Variants in ABCA13 observed in about 807,000 individuals in gnomAD.
ABCA13 encodes ATP-binding cassette sub-family A member 13.
A neutral mutation model predicts 478.7 loss-of-function variants in ABCA13; 476 were observed. The ratio of observed to expected loss-of-function variants is 0.99; its 90% CI spans 0.92 to 1.07. The LOEUF (loss-of-function observed/expected upper bound fraction) is 1.07, where lower values mean the gene tolerates loss of function less well. Among genes scored for constraint, ABCA13 ranks in the 50% least tolerant of loss-of-function variants. The pLI is 0.00. For missense variants in ABCA13, 6,060 were observed against 5,910.6 expected (o/e 1.03, Z -0.83); for synonymous variants, 2,252 against 2,158.9 (o/e 1.04, Z -1.20).
intron 58 of ABCA13, among the ~76,000 whole-genome samples, chr7:48,608,722 G>A (rs1397440727): frequency 6.6e-6 from 1 of 152,228 alleles, no homozygotes; most frequent in East Asian, 1.9e-4. Context: ...AGGGAGAGTG[G>A]GGAGCAGCCT....
chr7:48,272,165 A>G lies in ABCA13; in HGVS notation c.2499A>G (p.Lys833=). The G allele has an allele frequency of 6.2e-7, 1 of 1,613,130 alleles. No homozygotes were observed. Among genetic ancestry groups the G allele is most frequent in the Non-Finnish European group, 8.5e-7 (1 of 1,179,532 alleles). Residue 833 remains lysine (K), a synonymous_variant, in exon 17 of 62, where the codon AAA becomes AAG. Transcript: ENST00000435803. ...IELILFEINP[K]LLELWAYGIS... Reference sequence around the variant, plus strand: ...TAATACTTTTTGAAATTAATCCCAAATTACTAGAATTATGGGCCTATGGCA... The same window carrying G: ...TAATACTTTTTGAAATTAATCCCAAGTTACTAGAATTATGGGCCTATGGCA...
In ABCA13 at chr7:48,234,000, C is replaced by A; in HGVS notation, c.764-18C>A. 1 of 1,612,910 alleles carries A rather than the reference C, an allele frequency of 6.2e-7. No homozygotes were observed. Among genetic ancestry groups the A allele is most frequent in the Non-Finnish European group, 8.5e-7 (1 of 1,179,104 alleles). ...TATTCAAACAACTGCTGGTGTAAATCTTTTGTTATTCCAACAGAGCCAGTT... is the reference window on the plus strand; with the variant it reads ...TATTCAAACAACTGCTGGTGTAAATATTTTGTTATTCCAACAGAGCCAGTT... On this transcript the variant is annotated intron_variant, in intron 7 of 61. Coordinates refer to ENST00000435803, the MANE Select transcript of ABCA13 (RefSeq NM_152701.5).
chr7:48,563,888 G>A (rs1295330730), intron 55 of ABCA13, among the ~76,000 whole-genome samples: 3 of 151,642 alleles, frequency 2.0e-5, no homozygotes, highest in Non-Finnish European at 1.5e-5. Flanking sequence ...TTTCTAGCCT[G>A]TGTTTAGCTT....
intron 26 of ABCA13, 52 bp from the exon 27 acceptor site, chr7:48,317,105 C>T (rs1802705605): frequency 1.3e-6 from 2 of 1,562,982 alleles, no homozygotes. Flanking sequence ...TCCCTATTAA[C>T]CTAGGCATCG....
Position 48,174,291 on chromosome 7 carries a change from G to GT in ABCA13, c.69+2747dup, listed in dbSNP as rs201212748. Reference sequence around the variant, plus strand: ...AAGCTTGTCTGTTTTTACATTTACTGTTTTTTTTAGCTTTTTTTTTAAATT... The same window carrying GT: ...AAGCTTGTCTGTTTTTACATTTACTGTTTTTTTTTAGCTTTTTTTTTAAATT... On this transcript the variant is annotated intron_variant, in intron 1 of 61. Coordinates refer to ENST00000435803, the MANE Select transcript of ABCA13 (RefSeq NM_152701.5). 2.2e-3 allele frequency among the ~76,000 whole-genome samples: 331 copies of GT among 151,532 alleles called. 1 individual carries two copies. The highest frequency in any genetic ancestry group is 4.1e-3 in the Admixed American group (63 of 15,220).
In ABCA13 at chr7:48,524,367, G is replaced by C; in HGVS notation, c.14171G>C (p.Ser4724Thr). ...GACATTCTTGTGTTATACAACCTTAGTAAACATTATCGACGCTTTTTCCAG... is the reference window on the plus strand; with the variant it reads ...GACATTCTTGTGTTATACAACCTTACTAAACATTATCGACGCTTTTTCCAG... Reference protein sequence around the residue: ...NGDILVLYNLSKHYRRFFQNI... With the variant: ...NGDILVLYNLTKHYRRFFQNI... The change falls in exon 54 of 62, where the codon AGT becomes ACT. Residue 4724 changes from serine to threonine, a missense_variant. Physicochemically the swap from Ser to Thr is moderately conservative, Grantham distance 58. Transcript: ENST00000435803. The C allele has an allele frequency of 1.9e-6, 3 of 1,613,230 alleles. No homozygotes were observed. The highest frequency in any genetic ancestry group is 3.3e-5 in the Admixed American group (2 of 59,908).
intron 15 of ABCA13, among the ~76,000 whole-genome samples, chr7:48,260,882 A>G (rs568622553): frequency 5.9e-5 from 9 of 151,862 alleles, no homozygotes; most frequent in African/African-American, 2.2e-4. Flanking sequence ...CCTGGATTCT[A>G]TGTTTTATCT....
chr7:48,228,599 G>C (rs1168694237), intron 6 of ABCA13, among the ~76,000 whole-genome samples: 1 of 152,112 alleles, frequency 6.6e-6, no homozygotes, highest in Non-Finnish European at 1.5e-5. Context: ...GGGAGGAGTG[G>C]ACTGAAGGTT....
intron 55 of ABCA13, among the ~76,000 whole-genome samples, chr7:48,541,071 T>C (rs558883616): frequency 7.9e-5 from 12 of 152,202 alleles, no homozygotes; most frequent in Admixed American, 5.9e-4. Flanking sequence ...GAATAAATAA[T>C]TATTTGACTT....
intron 3 of ABCA13, among the ~76,000 whole-genome samples, chr7:48,205,024 C>T (rs147241714): frequency 1.3e-5 from 2 of 152,378 alleles, no homozygotes; most frequent in African/African-American, 4.8e-5. Flanking sequence ...GGCTGGGTCT[C>T]TGTCCTGGGG....
intron 45 of ABCA13, among the ~76,000 whole-genome samples, chr7:48,476,011 G>T (rs1828053580): frequency 6.6e-6 from 1 of 152,190 alleles, no homozygotes; most frequent in African/African-American, 2.4e-5. Flanking sequence ...TACAGAATAG[G>T]TGGAGGGCAT....
At chr7:48,281,275 A>G (rs764465747) in intron 18 of ABCA13, 68 bp from the exon 19 acceptor site, 27 of 1,279,146 alleles carry the variant, frequency 2.1e-5, no homozygotes, top group Non-Finnish European at 7.7e-6. Flanking sequence ...CTTAACCTAC[A>G]CAGTAGAGAT....
Position 48,227,244 on chromosome 7 carries a change from T to A in ABCA13, c.469-18T>A. The A allele has an allele frequency of 1.3e-6, 2 of 1,592,824 alleles. No homozygotes were observed. The highest frequency in any genetic ancestry group is 1.7e-6 in the Non-Finnish European group (2 of 1,164,168). The stretch of plus-strand genomic sequence containing the variant: ...AAACTCCAGAGGGAAACTTTTGGTG[T>A]ATTTTTTTTCCCATCAGATGGATCT... On this transcript the variant is annotated intron_variant, in intron 5 of 61. Transcript: ENST00000435803.
intron 1 of ABCA13, among the ~76,000 whole-genome samples, chr7:48,189,140 T>C (rs1796753753): frequency 6.6e-6 from 1 of 152,152 alleles, no homozygotes; most frequent in Admixed American, 6.6e-5. Context: ...TGGGTCACTT[T>C]CTGGTGTTAA....
At position 48,276,139 on chromosome 7, in the gene ABCA13, T is replaced by C. The variant is rs376774574; in HGVS notation, c.6473T>C (p.Ile2158Thr). ...ACCAATGAGAGTTCAACTGAAGATA[T>C]AGCTTTGTTAGCCAAAGCTATTGCT... ...PVTNESSTED[I>T]ALLAKAIATF... The change falls in exon 17 of 62, where the codon ATA (isoleucine) becomes ACA (threonine). Residue 2158 changes from isoleucine (I) to threonine (T), a missense_variant. By Grantham distance (89) the Ile-to-Thr change is moderately conservative. Coordinates refer to ENST00000435803, the MANE Select transcript of ABCA13 (RefSeq NM_152701.5). 9.4e-6 allele frequency: 15 copies of C among 1,596,376 alleles called. No homozygotes were observed. The highest frequency in any genetic ancestry group is 6.7e-5 in the African/African-American group (5 of 74,142).
Position 48,352,336 on chromosome 7 carries a change from C to A in ABCA13, c.10537C>A (p.Leu3513Ile). 1.2e-6 allele frequency: 2 copies of A among 1,613,814 alleles called. No individual in the cohort carries two copies. Among genetic ancestry groups the A allele is most frequent in the Non-Finnish European group, 1.7e-6 (2 of 1,179,884 alleles). ...NPSWKFHPQN[L>I]PADGFKYNYV... ...TTCTTGGAAGTTCCACCCTCAGAAT[C>A]TACCAGCTGATGGGTTCAAATATAA... The change falls in exon 31 of 62, where the codon CTA (leucine) becomes ATA (isoleucine). Residue 3513 changes from leucine to isoleucine, a missense_variant. Leu to Ile is a conservative substitution (Grantham distance 5). Coordinates refer to ENST00000435803, the MANE Select transcript of ABCA13 (RefSeq NM_152701.5).
At position 48,274,177 on chromosome 7, in the gene ABCA13, TCAA is replaced by T. The variant is rs756232975; in HGVS notation, c.4516_4518del (p.Asn1506del). ...TCCACAAAGCAAGTAAGGATGAGTA[TCAA>T]CAACTTAACAACAGACTTTGATTTT... On this transcript the variant is annotated inframe_deletion, in exon 17 of 62. Transcript: ENST00000435803. 6.2e-7 allele frequency: 1 copy of T among 1,611,688 alleles called. No homozygotes were observed. Among genetic ancestry groups the T allele is most frequent in the Non-Finnish European group, 8.5e-7 (1 of 1,178,502 alleles).
intron 45 of ABCA13, among the ~76,000 whole-genome samples, chr7:48,474,844 T>C (rs1827904276): frequency 6.6e-6 from 1 of 152,226 alleles, no homozygotes; most frequent in African/African-American, 2.4e-5. Context: ...ACCTAAGGCC[T>C]ATTGGGATTA....
intron 31 of ABCA13, among the ~76,000 whole-genome samples, chr7:48,360,835 G>A (rs1810706839): frequency 6.6e-6 from 1 of 151,898 alleles, no homozygotes. Context: ...AGGGAAAGAT[G>A]TAGTCCTGCC....
Sources: allele counts gnomAD v4.1 joint callset (sites outside exome capture counted in the v4.1 genomes callset), GRCh38; gene constraint gnomAD v4.1.1; transcripts MANE v1.5; gene names NCBI Gene and HGNC (gene_info 2026-07-23, HGNC 2026-07-21).